RBFOX1: variants seen among roughly 807,000 people sequenced by gnomAD.
The protein encoded by RBFOX1 is RNA binding protein fox-1 homolog 1.
Under a neutral mutation model 57.7 loss-of-function variants are expected in RBFOX1, and 8 were observed. The ratio of observed to expected loss-of-function variants is 0.14; its 90% confidence interval spans 0.08 to 0.25. The LOEUF (loss-of-function observed/expected upper bound fraction) is 0.25. Among genes scored for constraint, RBFOX1 ranks in the 10% least tolerant of loss-of-function variants. RBFOX1 has a pLI of 1.00. For missense variants in RBFOX1, 611 were observed against 548.5 expected (o/e 1.11, Z -1.14); for synonymous variants, 326 against 222.4 (o/e 1.47, Z -4.15).
At chr16:7,136,393 A>G (rs959497787) in intron 4 of RBFOX1, among the ~76,000 whole-genome samples, 13 of 148,222 alleles carry the variant, frequency 8.8e-5, no homozygotes, top group African/African-American at 1.5e-4. Context: ...GAACATCTCT[A>G]TCATCTTGGG....
intron 3 of RBFOX1, among the ~76,000 whole-genome samples, chr16:6,763,740 C>T (rs942342667): frequency 1.3e-5 from 2 of 152,146 alleles, no homozygotes; most frequent in Admixed American, 1.3e-4. Context: ...TTTATCATTC[C>T]AAAACCACTG....
At chr16:7,390,476 G>C (rs972580628) in intron 4 of RBFOX1, among the ~76,000 whole-genome samples, 17 of 152,146 alleles carry the variant, frequency 1.1e-4, no homozygotes, top group African/African-American at 3.9e-4. Context: ...ACCTCTCAAA[G>C]CCTTGCCATA....
chr16:6,929,815 C>G (rs576993956), intron 3 of RBFOX1, among the ~76,000 whole-genome samples: 2 of 152,214 alleles, frequency 1.3e-5, no homozygotes, highest in East Asian at 1.9e-4. Context: ...GTTGCTCATG[C>G]TGTTTTAATT....
chr16:7,135,500 T>C (rs2071671131), intron 4 of RBFOX1, among the ~76,000 whole-genome samples: 1 of 152,224 alleles, frequency 6.6e-6, no homozygotes, highest in African/African-American at 2.4e-5. Context: ...GGGGTGTGTT[T>C]TTGTAATGAG....
chr16:7,396,028 G>A (rs1303076376), intron 4 of RBFOX1, among the ~76,000 whole-genome samples: 2 of 152,142 alleles, frequency 1.3e-5, no homozygotes, highest in Non-Finnish European at 2.9e-5. Context: ...TGGAGAGGAG[G>A]CTCTTTCTGG....
intron 4 of RBFOX1, among the ~76,000 whole-genome samples, chr16:7,500,469 A>G (rs2070368750): frequency 6.6e-6 from 1 of 152,170 alleles, no homozygotes; most frequent in South Asian, 2.1e-4. Context: ...TTATTCCCCC[A>G]TAAAAGTTCA....
intron 14 of RBFOX1, among the ~76,000 whole-genome samples, chr16:7,699,293 G>A (rs1235917795): frequency 2.6e-5 from 4 of 151,812 alleles, no homozygotes; most frequent in Non-Finnish European, 2.9e-5. Context: ...CTGGGATCTA[G>A]CGATCCTCCC....
At chr16:7,102,298 C>G (rs767813382) in intron 4 of RBFOX1, among the ~76,000 whole-genome samples, 13 of 152,166 alleles carry the variant, frequency 8.5e-5, no homozygotes, top group African/African-American at 1.4e-4. Context: ...TATCCATAGA[C>G]TATTGGATTC....
intron 2 of RBFOX1, among the ~76,000 whole-genome samples, chr16:6,503,443 C>T (rs1299884688): frequency 1.3e-5 from 2 of 152,162 alleles, no homozygotes; most frequent in Non-Finnish European, 2.9e-5. Context: ...GTTCACATTT[C>T]CCTGGGTGGA....
intron 2 of RBFOX1, among the ~76,000 whole-genome samples, chr16:5,469,012 C>T (rs2069043966): frequency 6.6e-6 from 1 of 152,230 alleles, no homozygotes; most frequent in South Asian, 2.1e-4. Context: ...GCTGTGGTCA[C>T]CCTGAACCAC....
chr16:5,729,552 T>G (rs905875721), intron 3 of RBFOX1, among the ~76,000 whole-genome samples: 2 of 152,082 alleles, frequency 1.3e-5, no homozygotes, highest in African/African-American at 4.8e-5. Flanking sequence ...CCTGCTATAT[T>G]TTACAAGAAG....
intron 4 of RBFOX1, among the ~76,000 whole-genome samples, chr16:7,226,038 C>A (rs2093093799): frequency 6.6e-6 from 1 of 151,884 alleles, no homozygotes; most frequent in African/African-American, 2.4e-5. Context: ...TTCTTGGCGT[C>A]CACTTTATTT....
chr16:5,265,781 C>T (rs754365168), intron 1 of RBFOX1, among the ~76,000 whole-genome samples: 19 of 152,124 alleles, frequency 1.2e-4, no homozygotes, highest in Non-Finnish European at 2.4e-4. Flanking sequence ...GTGAATGGTG[C>T]GTTTCTCCTG....
At chr16:5,999,343 C>A (rs879352409) in intron 4 of RBFOX1, among the ~76,000 whole-genome samples, 38 of 152,232 alleles carry the variant, frequency 2.5e-4, no homozygotes, top group Non-Finnish European at 2.9e-5. Flanking sequence ...GACATCACTT[C>A]CACAAATAAA....
At chr16:7,112,331 T>C (rs1374891798) in intron 4 of RBFOX1, among the ~76,000 whole-genome samples, 1 of 151,938 alleles carries the variant, frequency 6.6e-6, no homozygotes, top group Admixed American at 6.6e-5. Flanking sequence ...GACTCCAAAG[T>C]ATCTGGGACT....
intron 4 of RBFOX1, among the ~76,000 whole-genome samples, chr16:5,948,142 C>G (rs955097505): frequency 1.3e-5 from 2 of 152,118 alleles, no homozygotes; most frequent in Non-Finnish European, 2.9e-5. Context: ...AGGGGTGACT[C>G]TTTCCCTAAT....
At chr16:5,576,689 G>C (rs2046467703) in intron 2 of RBFOX1, among the ~76,000 whole-genome samples, 1 of 152,190 alleles carries the variant, frequency 6.6e-6, no homozygotes, top group Non-Finnish European at 1.5e-5. Context: ...GGTGCTTCTT[G>C]CCTTTCCAGT....
At chr16:7,194,372 T>G (rs2086168839) in intron 4 of RBFOX1, among the ~76,000 whole-genome samples, 1 of 152,188 alleles carries the variant, frequency 6.6e-6, no homozygotes, top group Non-Finnish European at 1.5e-5. Flanking sequence ...GCATTTCAAT[T>G]TAAACAAAGC....
At chr16:6,485,711 A>T (rs1179978091) in intron 2 of RBFOX1, among the ~76,000 whole-genome samples, 1 of 152,222 alleles carries the variant, frequency 6.6e-6, no homozygotes, top group Non-Finnish European at 1.5e-5. Context: ...AAAGAGCAGA[A>T]TCTTTTCTGT....
Sources: gnomAD v4.1 joint callset for allele counts (sites outside exome capture counted in the v4.1 genomes callset) on GRCh38, gnomAD v4.1.1 for gene constraint, MANE v1.5 for transcripts, NCBI Gene and HGNC (gene_info 2026-07-23, HGNC 2026-07-21) for gene names.